The following KLHL36 variants were observed in gnomAD, a reference collection of about 807,000 sequenced individuals.
KLHL36 encodes the protein kelch like family member 36.
In KLHL36, 35 loss-of-function variants were observed where a neutral mutation model predicts 53.3. That is an observed-to-expected ratio of 0.66 (90% CI 0.50 to 0.87). The LOEUF is 0.87. Among genes scored for constraint, KLHL36 ranks in the 40% least tolerant of loss-of-function variants. The pLI, the probability that KLHL36 is intolerant of heterozygous loss-of-function variation, is 0.00. For missense variants in KLHL36, 864 were observed against 897.6 expected, an observed-to-expected ratio of 0.96 and a Z score of 0.48; for synonymous variants, 472 against 398.9, an observed-to-expected ratio of 1.18 and a Z score of -2.18.
intron 3 of KLHL36, 114 bp from the exon 4 acceptor site, chr16:84,659,646 C>T (rs974191856): frequency 8.8e-7 from 1 of 1,130,794 alleles, no homozygotes; most frequent in Non-Finnish European, 1.3e-6. Context: ...GTTCCCTTTC[C>T]CAAACATTCT....
intron 2 of KLHL36, among the ~76,000 whole-genome samples, chr16:84,655,255 C>G (rs115648765): frequency 0.022 from 3,413 of 152,182 alleles, 152 homozygotes; most frequent in African/African-American, 0.079. Flanking sequence ...TGTGGAAATA[C>G]CACAGGGAAA....
rs752156693 is a variant in KLHL36 at position 84,663,087 on chromosome 16, G to A, written c.*954G>A. On this transcript the variant is annotated 3_prime_UTR_variant, in exon 5 of 5. Coordinates refer to ENST00000564996, the MANE Select transcript of KLHL36 (RefSeq NM_024731.4). Reference sequence around the variant, plus strand: ...GTTCTCTGTGACTCTATCTTGAGGCGCTGTTGAAAGTTCCTGCACAGAGGA... The same window carrying A: ...GTTCTCTGTGACTCTATCTTGAGGCACTGTTGAAAGTTCCTGCACAGAGGA... 3 of 152,048 alleles carry A rather than the reference G, an allele frequency of 2.0e-5. No individual in the cohort carries two copies. The highest frequency in any genetic ancestry group is 4.4e-5 in the Non-Finnish European group (3 of 68,026). 9.4% of individuals were successfully genotyped at this position (152,048 alleles called of 1,614,324 possible). A position where few individuals can be genotyped will look rare whatever the true frequency, so the allele number is the denominator to read the frequency against.
chr16:84,649,885 T>G (rs1298205875), intron 1 of KLHL36, among the ~76,000 whole-genome samples: 2 of 151,848 alleles, frequency 1.3e-5, no homozygotes, highest in South Asian at 4.1e-4. Context: ...TTCGTCTCAG[T>G]ATGTGACTTG....
chr16:84,654,989 C>T (rs765326191), intron 2 of KLHL36, among the ~76,000 whole-genome samples: 1 of 152,154 alleles, frequency 6.6e-6, no homozygotes, highest in African/African-American at 2.4e-5. Context: ...GACCCTGTTT[C>T]TAAAAATGAG....
rs1322215046 is a variant in KLHL36, at chr16:84,661,405, G to A, written c.1296-173G>A. Among the ~76,000 whole-genome samples the A allele has an allele frequency of 1.3e-5, 2 of 152,314 alleles. No homozygotes were observed. The highest frequency in any genetic ancestry group is 3.9e-4 in the East Asian group (2 of 5,184). ...GCTGTCCACTTCCCCGCCCTGCCCT[G>A]CCATTTCTTTGCTAATGACGGCTAC... is the stretch of plus-strand genomic sequence containing the variant. On this transcript the variant is annotated intron_variant, in intron 4 of 4. Transcript: ENST00000564996. The surrounding 1 kb of genome is among the most constrained non-coding windows in gnomAD (Gnocchi z 7.9).
rs1381129522 is a variant in KLHL36, at chr16:84,663,226, G to A, written c.*1093G>A. The A allele has an allele frequency of 6.6e-6, 1 of 152,278 alleles. No individual in the cohort carries two copies. Among genetic ancestry groups the A allele is most frequent in the East Asian group, 1.9e-4 (1 of 5,202 alleles). 9.4% of individuals were successfully genotyped at this position (152,278 alleles called of 1,614,324 possible). A position where few individuals can be genotyped will look rare whatever the true frequency, so the allele number is the denominator to read the frequency against. ...TGCTGCTGGGCAAATTCTCGAACAA[G>A]TCCGTGTGTTCCCTCATCCACCCCG... On this transcript the variant is annotated 3_prime_UTR_variant, in exon 5 of 5. Transcript: ENST00000564996.
At chr16:84,649,981 C>CGAGATCT (rs1906748654) in intron 1 of KLHL36, among the ~76,000 whole-genome samples, 1 of 145,060 alleles carries the variant, frequency 6.9e-6, no homozygotes, top group African/African-American at 2.5e-5. Flanking sequence ...CCCCGCCCCC[C>CGAGATCT]ACACACCAAA....
Position 84,661,241 on chromosome 16 carries a change from C to T in KLHL36, c.1296-337C>T, listed in dbSNP as rs566895839. Among the ~76,000 whole-genome samples the T allele has an allele frequency of 5.3e-5, 8 of 152,318 alleles. No individual in the cohort carries two copies. The highest frequency in any genetic ancestry group is 3.3e-4 in the Admixed American group (5 of 15,312). On this transcript the variant is annotated intron_variant, in intron 4 of 4. Transcript: ENST00000564996. This position sits in a 1 kb window ranked among gnomAD's most constrained non-coding sequence, Gnocchi z 7.9. The stretch of plus-strand genomic sequence containing the variant: ...TGTGATTCATCGGGTGCATGTGTGC[C>T]TGCTAGCTCATTGTTCTAGTCGTTT...
chr16:84,656,677 GA>G (rs1249246601), intron 2 of KLHL36, among the ~76,000 whole-genome samples, 193 bp from the exon 3 acceptor site: 1 of 139,834 alleles, frequency 7.2e-6, no homozygotes, highest in East Asian at 2.4e-4. Flanking sequence ...ATATTAATAA[GA>G]GAAGGAAAAA....
At position 84,662,038 on chromosome 16, in the gene KLHL36, G is replaced by A. The variant is rs763651100; in HGVS notation, c.1756G>A (p.Ala586Thr). Reference sequence around the variant, plus strand: ...GGGCGTCGACCTGCCCAAGGCCATCGCTGGCGGGTCCGCCTGTGTCTGCGC... The same window carrying A: ...GGGCGTCGACCTGCCCAAGGCCATCACTGGCGGGTCCGCCTGTGTCTGCGC... ...SRGVDLPKAI[A>T]GGSACVCALE... The change falls in exon 5 of 5, where the codon GCT becomes ACT. Residue 586 changes from alanine to threonine, a missense_variant. Transcript: ENST00000564996. 3.2e-6 allele frequency: 5 copies of A among 1,584,768 alleles called. No homozygotes were observed. The highest frequency in any genetic ancestry group is 1.1e-5 in the South Asian group (1 of 86,972).
chr16:84,652,362 C>G (rs28510572), intron 2 of KLHL36, among the ~76,000 whole-genome samples: 3,570 of 152,222 alleles, frequency 0.023, 144 homozygotes, highest in African/African-American at 0.082. Flanking sequence ...CCTCTACCTC[C>G]TGGGCTCAAG....
chr16:84,661,304 TC>T lies in KLHL36; in HGVS notation c.1296-271del, dbSNP rs1219929541. Among the ~76,000 whole-genome samples, 2 of 152,186 alleles carry T rather than the reference TC, an allele frequency of 1.3e-5. No homozygotes were observed. Among genetic ancestry groups the T allele is most frequent in the Non-Finnish European group, 2.9e-5 (2 of 68,032 alleles). On this transcript the variant is annotated intron_variant, in intron 4 of 4. Transcript: ENST00000564996. The surrounding 1 kb of genome is among the most constrained non-coding windows in gnomAD (Gnocchi z 7.9). ...AAAAGGGTGATGGTCCTGTGATTAT[TC>T]CCATTTCCCAGATGGGGCAAGGGAG...
Position 84,656,829 on chromosome 16 carries a change from A to T in KLHL36, c.64-42A>T, listed in dbSNP as rs774153359. 2.7e-6 allele frequency: 4 copies of T among 1,505,688 alleles called. No individual in the cohort carries two copies. In the Admixed American group the frequency reaches 5.2e-5, roughly 20 times the overall value. The allele number at this position is 1,505,688 out of a possible 1,614,324, so 93.3% of individuals were successfully genotyped here. On this transcript the variant is annotated intron_variant, in intron 2 of 4. Coordinates refer to ENST00000564996, the MANE Select transcript of KLHL36 (RefSeq NM_024731.4). The stretch of plus-strand genomic sequence containing the variant: ...GACCCACTGGGTTGGACCAGGGCCG[A>T]GCAGGCTGCTGCGCCGTTTCTAATG...
At position 84,664,569 on chromosome 16, in the gene KLHL36, A is replaced by G. The variant is rs368464089; in HGVS notation, c.*2436A>G. On this transcript the variant is annotated 3_prime_UTR_variant, in exon 5 of 5. Transcript: ENST00000564996. ...ACTATGAAGGTGGTTTGTAATTGAC[A>G]TGGCTTTGACCCTAATATTACTAAG... is the stretch of plus-strand genomic sequence containing the variant. The G allele has an allele frequency of 2.0e-5, 3 of 152,178 alleles. No homozygotes were observed. Among genetic ancestry groups the G allele is most frequent in the African/African-American group, 4.8e-5 (2 of 41,438 alleles). The allele number at this position is 152,178 out of a possible 1,614,324, so 9.4% of individuals were successfully genotyped here.
chr16:84,660,618 G>T (rs558929950), intron 4 of KLHL36, among the ~76,000 whole-genome samples: 1 of 152,132 alleles, frequency 6.6e-6, no homozygotes, highest in African/African-American at 2.4e-5. Flanking sequence ...TGTGGGGTAA[G>T]CGCTCGTATT....
Position 84,666,463 on chromosome 16 carries a change from T to A in KLHL36, c.*4330T>A, listed in dbSNP as rs1410930384. 6 of 152,186 alleles carry A rather than the reference T, an allele frequency of 3.9e-5. 1 individual carries two copies. The allele number at this position is 152,186 out of a possible 1,614,324, so 9.4% of individuals were successfully genotyped here. A position where few individuals can be genotyped will look rare whatever the true frequency, so the allele number is the denominator to read the frequency against. ...TGCCAAGAGGAAACCTTAACCCCCC[T>A]GAGAGGGTCTGCGTTTCTTCTAGAG... On this transcript the variant is annotated 3_prime_UTR_variant, in exon 5 of 5. Transcript: ENST00000564996.
At chr16:84,656,693 A>G (rs1011184205) in intron 2 of KLHL36, among the ~76,000 whole-genome samples, 178 bp from the exon 3 acceptor site, 1 of 151,412 alleles carries the variant, frequency 6.6e-6, no homozygotes, top group Admixed American at 6.6e-5. Context: ...GAAAAAAAAA[A>G]CCACGATACA....
chr16:84,653,466 A>T (rs1037578753), intron 2 of KLHL36, among the ~76,000 whole-genome samples: 3 of 152,112 alleles, frequency 2.0e-5, no homozygotes, highest in African/African-American at 7.2e-5. Flanking sequence ...ATGTCCCTTT[A>T]TAATTGGGAA....
intron 3 of KLHL36, 192 bp downstream of exon 3, chr16:84,658,136 C>T: frequency 2.0e-6 from 1 of 505,976 alleles, no homozygotes; most frequent in Non-Finnish European, 3.4e-6. Context: ...CGACCCACCC[C>T]TTCGAGGGGT....
Sources: allele counts gnomAD v4.1 joint callset (sites outside exome capture counted in the v4.1 genomes callset), GRCh38; gene constraint gnomAD v4.1.1; non-coding constraint Gnocchi (gnomAD v3.1); transcripts MANE v1.5; gene names NCBI Gene and HGNC (gene_info 2026-07-23, HGNC 2026-07-21).